Variants in DNAH11 observed in about 807,000 individuals in gnomAD.
DNAH11 encodes the protein axonemal beta dynein heavy chain 11.
A neutral mutation model predicts 526.0 loss-of-function variants in DNAH11; 442 were observed. That is an observed-to-expected ratio of 0.84 (90% CI 0.78 to 0.91). The LOEUF is 0.91. Among genes scored for constraint, DNAH11 ranks in the 40% least tolerant of loss-of-function variants. The pLI, the probability that DNAH11 is intolerant of heterozygous loss-of-function variation, is 0.00. For missense variants in DNAH11, 6,989 were observed against 5,448.7 expected, an observed-to-expected ratio of 1.28 and a Z score of -8.90; for synonymous variants, 2,461 against 1,935.9, an observed-to-expected ratio of 1.27 and a Z score of -7.12.
At chr7:21,753,703 G>T (rs1786508331) in intron 54 of DNAH11, among the ~76,000 whole-genome samples, 1 of 152,062 alleles carries the variant, frequency 6.6e-6, no homozygotes, top group Non-Finnish European at 1.5e-5. Context: ...ACTGATTTCA[G>T]CATTGCACTA....
chr7:21,899,887 A>G (rs1313171586), intron 80 of DNAH11, 93 bp from the exon 81 acceptor site: 9 of 1,476,960 alleles, frequency 6.1e-6, no homozygotes, highest in South Asian at 2.7e-5. Flanking sequence ...AAAACACCCT[A>G]TGGGACTAAA....
At chr7:21,555,497 A>C (rs1783181319) in intron 2 of DNAH11, among the ~76,000 whole-genome samples, 1 of 152,326 alleles carries the variant, frequency 6.6e-6, no homozygotes, top group South Asian at 2.1e-4. Context: ...GGTTTCTTGC[A>C]CACCCCAATT....
At chr7:21,810,658 C>G (rs1021929795) in intron 63 of DNAH11, among the ~76,000 whole-genome samples, 1 of 151,948 alleles carries the variant, frequency 6.6e-6, no homozygotes, top group Non-Finnish European at 1.5e-5. Flanking sequence ...TTTATAATCA[C>G]AGTAATAAAG....
intron 41 of DNAH11, among the ~76,000 whole-genome samples, chr7:21,710,936 G>C (rs181489041): frequency 2.0e-5 from 3 of 152,200 alleles, no homozygotes; most frequent in African/African-American, 4.8e-5. Flanking sequence ...CTGAGAGTTA[G>C]ATACAGATCT....
chr7:21,744,654 G>A, intron 50 of DNAH11, 55 bp downstream of exon 50: 1 of 1,593,424 alleles, frequency 6.3e-7, no homozygotes, highest in Non-Finnish European at 8.5e-7. Context: ...CTGGGTATTG[G>A]GACTAAAGTT....
chr7:21,812,521 TTTA>T (rs1789574054), intron 63 of DNAH11, among the ~76,000 whole-genome samples: 1 of 151,346 alleles, frequency 6.6e-6, no homozygotes, highest in Non-Finnish European at 1.5e-5. Flanking sequence ...AAAAATTTTT[TTTA>T]AACCCAGCCA....
At chr7:21,859,998 C>T (rs540358371) in intron 68 of DNAH11, among the ~76,000 whole-genome samples, 2 of 152,068 alleles carry the variant, frequency 1.3e-5, no homozygotes, top group South Asian at 4.2e-4. Flanking sequence ...ACAGAGAAAC[C>T]CTGTCTCTAC....
At chr7:21,577,569 G>T (rs1784145771) in intron 8 of DNAH11, among the ~76,000 whole-genome samples, 1 of 152,162 alleles carries the variant, frequency 6.6e-6, no homozygotes, top group East Asian at 1.9e-4. Context: ...AAGGCCACCT[G>T]CACTTGTGGC....
intron 73 of DNAH11, among the ~76,000 whole-genome samples, 195 bp from the exon 74 acceptor site, chr7:21,873,079 A>G (rs953469718): frequency 6.7e-6 from 1 of 148,860 alleles, no homozygotes; most frequent in Non-Finnish European, 1.5e-5. Context: ...TCAAGGTTCA[A>G]TTCCCTTTTG....
At position 21,601,087 on chromosome 7, in the gene DNAH11, G is replaced by A. The variant is rs1469670866; in HGVS notation, c.3333G>A (p.Val1111=). The change falls in exon 17 of 82, where the codon GTG becomes GTA. Residue 1111 remains valine, a synonymous_variant. Transcript: ENST00000409508. ...GAGTGTTTGATAGTTGGTTCAAGGT[G>A]GACATGAAGCCTTTCAAAGTGAGCT... ...DFRVFDSWFK[V]DMKPFKVSLL... is the part of the protein sequence containing the mutation. 1 of 1,611,228 alleles carries A rather than the reference G, an allele frequency of 6.2e-7. No individual in the cohort carries two copies. Among genetic ancestry groups the A allele is most frequent in the African/African-American group, 1.3e-5 (1 of 74,782 alleles).
At chr7:21,718,008 G>A (rs906600395) in intron 43 of DNAH11, 83 bp downstream of exon 43, 1 of 1,495,524 alleles carries the variant, frequency 6.7e-7, no homozygotes, top group Non-Finnish European at 8.9e-7. Context: ...ATCTTGCCTT[G>A]CCCAAGAAAG....
At chr7:21,688,778 A>G (rs1259620801) in intron 34 of DNAH11, among the ~76,000 whole-genome samples, 1 of 152,156 alleles carries the variant, frequency 6.6e-6, no homozygotes, top group African/African-American at 2.4e-5. Flanking sequence ...ACAATGCCAC[A>G]TTCCAAAAAG....
intron 63 of DNAH11, among the ~76,000 whole-genome samples, chr7:21,811,728 A>AAGTATATTT (rs1789531966): frequency 6.6e-6 from 1 of 152,196 alleles, no homozygotes; most frequent in Non-Finnish European, 1.5e-5. Context: ...ATTTTATGTT[A>AAGTATATTT]AGTATATTTT....
intron 58 of DNAH11, among the ~76,000 whole-genome samples, chr7:21,785,110 C>A (rs1343037272): frequency 6.6e-6 from 1 of 152,146 alleles, no homozygotes; most frequent in Non-Finnish European, 1.5e-5. Flanking sequence ...GGGCAATGTT[C>A]TTTTAAGAGC....
At chr7:21,874,455 C>G (rs1474355287) in intron 74 of DNAH11, among the ~76,000 whole-genome samples, 1 of 152,030 alleles carries the variant, frequency 6.6e-6, no homozygotes, top group Admixed American at 6.6e-5. Context: ...CCTGCCTCAG[C>G]CTCCCAGGTA....
intron 30 of DNAH11, among the ~76,000 whole-genome samples, chr7:21,662,636 A>C (rs959497141): frequency 2.0e-5 from 3 of 152,014 alleles, no homozygotes; most frequent in African/African-American, 7.2e-5. Flanking sequence ...GTACTTTCTT[A>C]GCACTTTTCA....
Position 21,730,683 on chromosome 7 carries a change from G to T in DNAH11, c.7440+4699G>T, listed in dbSNP as rs1290370401. Among the ~76,000 whole-genome samples the T allele has an allele frequency of 2.0e-5, 3 of 152,174 alleles. No individual in the cohort carries two copies. In the East Asian group the frequency reaches 5.8e-4, roughly 29 times the overall value. ...GAGAGTGGAATGGTGGCTACCAGGG[G>T]CTGGAGTTAGGAGACTGGGGAGATG... On this transcript the variant is annotated intron_variant, in intron 45 of 81. Coordinates refer to ENST00000409508, the MANE Select transcript of DNAH11 (RefSeq NM_001277115.2).
At chr7:21,612,451 G>A (rs1157711780) in intron 20 of DNAH11, among the ~76,000 whole-genome samples, 3 of 151,068 alleles carry the variant, frequency 2.0e-5, no homozygotes, top group East Asian at 2.0e-4. Context: ...GCTACTCAGG[G>A]GGCTGAAGCA....
chr7:21,821,599 A>G (rs183911012), intron 65 of DNAH11, among the ~76,000 whole-genome samples: 75 of 152,236 alleles, frequency 4.9e-4, no homozygotes. Flanking sequence ...TCATAGTTGT[A>G]CATATTTTGG....
Sources: allele counts gnomAD v4.1 joint callset (sites outside exome capture counted in the v4.1 genomes callset), GRCh38; gene constraint gnomAD v4.1.1; transcripts MANE v1.5; gene names NCBI Gene and HGNC (gene_info 2026-07-23, HGNC 2026-07-21).